DLC1: variants seen among roughly 807,000 people sequenced by gnomAD.
DLC1 encodes the protein rho GTPase-activating protein 7.
In DLC1, 54 loss-of-function variants were observed where a neutral mutation model predicts 140.3. The observed-to-expected ratio is 0.38, with a 90% CI of 0.31 to 0.48. The LOEUF (loss-of-function observed/expected upper bound fraction) is 0.48, where lower values mean the gene tolerates loss of function less well. Ranked by LOEUF, DLC1 falls within the 20% of genes least tolerant of loss-of-function variation. The pLI is 0.96. For missense variants in DLC1, 2,536 were observed against 1,907.0 expected, an observed-to-expected ratio of 1.33 and a Z score of -6.14; for synonymous variants, 986 against 728.1, an observed-to-expected ratio of 1.35 and a Z score of -5.70.
rs79936574 is a variant in DLC1 at position 13,431,596 on chromosome 8, A to G, written c.1024-29977T>C. ...TGTGATGACTTTGTTTCCAGGTAAG[A>G]TTTCTCAATGCCATGGCAAATATGG... On this transcript the variant is annotated intron_variant, in intron 2 of 17. Transcript: ENST00000276297. Among the ~76,000 whole-genome samples, 47 of 150,102 alleles carry G rather than the reference A, an allele frequency of 3.1e-4. No individual in the cohort carries two copies. The East Asian group carries it at 9.2e-3, about 29-fold the overall frequency.
chr8:13,156,909 T>C (rs1218272631), intron 5 of DLC1, among the ~76,000 whole-genome samples: 1 of 152,228 alleles, frequency 6.6e-6, no homozygotes, highest in Non-Finnish European at 1.5e-5. Flanking sequence ...GAATAGCCAC[T>C]GTCTATTGCC....
intron 2 of DLC1, among the ~76,000 whole-genome samples, chr8:13,421,385 T>C (rs1037087377): frequency 6.6e-6 from 1 of 152,166 alleles, no homozygotes; most frequent in African/African-American, 2.4e-5. Flanking sequence ...TTTAAATTAA[T>C]TAGCAATTAT....
chr8:13,415,512 A>C (rs1468601370), intron 2 of DLC1, among the ~76,000 whole-genome samples: 1 of 151,044 alleles, frequency 6.6e-6, no homozygotes, highest in Non-Finnish European at 1.5e-5. Context: ...CCATTCTCCT[A>C]CCTCAGCCTA....
At chr8:13,530,298 G>T (rs902309476) in intron 1 of DLC1, among the ~76,000 whole-genome samples, 1 of 152,138 alleles carries the variant, frequency 6.6e-6, no homozygotes, top group African/African-American at 2.4e-5. Flanking sequence ...CATTAGTACA[G>T]CCATTTCTTA....
At chr8:13,386,626 G>T (rs1836529682) in intron 4 of DLC1, among the ~76,000 whole-genome samples, 1 of 152,032 alleles carries the variant, frequency 6.6e-6, no homozygotes, top group South Asian at 2.1e-4. Context: ...AAATATAAAA[G>T]TAAATGGCCG....
intron 5 of DLC1, among the ~76,000 whole-genome samples, chr8:13,172,255 A>C (rs1825526661): frequency 6.6e-6 from 1 of 152,138 alleles, no homozygotes; most frequent in Non-Finnish European, 1.5e-5. Flanking sequence ...TTTCAACCTC[A>C]CTAATGGAGA....
intron 5 of DLC1, among the ~76,000 whole-genome samples, chr8:13,121,833 G>C (rs566473034): frequency 6.6e-6 from 1 of 152,230 alleles, no homozygotes; most frequent in East Asian, 1.9e-4. Flanking sequence ...GATTACAGGC[G>C]TGAACCACCC....
chr8:13,551,170 A>T (rs748233328), intron 1 of DLC1, among the ~76,000 whole-genome samples: 18 of 151,906 alleles, frequency 1.2e-4, no homozygotes, highest in Admixed American at 5.9e-4. Flanking sequence ...ACTTTGCAAA[A>T]CTATAATTAA....
At chr8:13,178,975 T>C (rs1170824311) in intron 5 of DLC1, among the ~76,000 whole-genome samples, 2 of 152,228 alleles carry the variant, frequency 1.3e-5, no homozygotes, top group African/African-American at 4.8e-5. Context: ...TGTATTGAAA[T>C]GCTCATTTCA....
intron 1 of DLC1, among the ~76,000 whole-genome samples, chr8:13,587,061 A>T (rs1263360675): frequency 7.0e-6 from 1 of 143,320 alleles, no homozygotes; most frequent in East Asian, 2.1e-4. Context: ...AACAAGCTCC[A>T]CTTGGGAAAA....
At chr8:13,291,225 T>G (rs73560574) in intron 5 of DLC1, among the ~76,000 whole-genome samples, 18,154 of 152,200 alleles carry the variant, frequency 0.12, 1,194 homozygotes, top group South Asian at 0.16. Flanking sequence ...AGACATATCT[T>G]TAGTTGGGTG....
At chr8:13,389,187 A>G (rs1836646420) in intron 4 of DLC1, among the ~76,000 whole-genome samples, 1 of 152,088 alleles carries the variant, frequency 6.6e-6, no homozygotes, top group Non-Finnish European at 1.5e-5. Flanking sequence ...TATTTGATTA[A>G]TAGTGATTTA....
intron 2 of DLC1, among the ~76,000 whole-genome samples, chr8:13,453,420 A>ATTTTTTTTTTT: frequency 4.4e-5 from 1 of 22,726 alleles, no homozygotes; most frequent in Non-Finnish European, 7.9e-5. Flanking sequence ...ATATATATAT[A>ATTTTTTTTTTT]TATGTGTATA....
At chr8:13,282,359 G>C (rs1327610242) in intron 5 of DLC1, among the ~76,000 whole-genome samples, 1 of 152,094 alleles carries the variant, frequency 6.6e-6, no homozygotes, top group Non-Finnish European at 1.5e-5. Context: ...ACTGGAAAAA[G>C]GAAAGAGGAT....
intron 2 of DLC1, 98 bp downstream of exon 2, chr8:13,498,951 C>T (rs117378186): frequency 0.028 from 39,492 of 1,388,200 alleles, 649 homozygotes; most frequent in Non-Finnish European, 0.032. Flanking sequence ...GCAAAAGAAC[C>T]ATCTTCATAT....
chr8:13,446,483 G>A (rs992353309), intron 2 of DLC1, among the ~76,000 whole-genome samples: 15 of 152,014 alleles, frequency 9.9e-5, no homozygotes, highest in Admixed American at 7.9e-4. Flanking sequence ...TCATGACTAA[G>A]TTTTAAATCA....
intron 2 of DLC1, among the ~76,000 whole-genome samples, chr8:13,481,436 A>G (rs1028683570): frequency 2.0e-5 from 3 of 152,220 alleles, no homozygotes; most frequent in Admixed American, 6.5e-5. Flanking sequence ...CAAAAAGTAA[A>G]TAAATAAATA....
At chr8:13,353,548 C>T (rs1462343238) in intron 4 of DLC1, 1 of 152,196 alleles carries the variant, frequency 6.6e-6, no homozygotes, top group African/African-American at 2.4e-5. Context: ...AAAGACTTCA[C>T]TGTTTGTGTT....
intron 4 of DLC1, among the ~76,000 whole-genome samples, chr8:13,318,654 A>C (rs1163031993): frequency 6.6e-6 from 1 of 152,222 alleles, no homozygotes; most frequent in Non-Finnish European, 1.5e-5. Flanking sequence ...CAAACAAAAC[A>C]CCTAGTTGGA....
Sources: allele counts gnomAD v4.1 joint callset (sites outside exome capture counted in the v4.1 genomes callset), GRCh38; gene constraint gnomAD v4.1.1; transcripts MANE v1.5; gene names NCBI Gene and HGNC (gene_info 2026-07-23, HGNC 2026-07-21).